Variants in ROBO2 observed in about 807,000 individuals in gnomAD.
ROBO2 encodes the protein roundabout homolog 2.
In ROBO2, 53 loss-of-function variants were observed where a neutral mutation model predicts 160.8. That is an observed-to-expected ratio of 0.33 (90% CI 0.26 to 0.41). The LOEUF (loss-of-function observed/expected upper bound fraction) is 0.41, where lower values mean the gene tolerates loss of function less well. Among genes scored for constraint, ROBO2 ranks in the 10% least tolerant of loss-of-function variants. The probability of loss-of-function intolerance (pLI) is 1.00; values close to 1 mark genes in which losing one functional copy is unlikely to be tolerated. For missense variants in ROBO2, 1,577 were observed against 1,722.4 expected, an observed-to-expected ratio of 0.92 and a Z score of 1.49; for synonymous variants, 664 against 611.7, an observed-to-expected ratio of 1.09 and a Z score of -1.26.
At chr3:76,452,671 A>G (rs2077536155) in intron 2 of ROBO2, among the ~76,000 whole-genome samples, 1 of 152,144 alleles carries the variant, frequency 6.6e-6, no homozygotes, top group Non-Finnish European at 1.5e-5. Flanking sequence ...ATGATTTATA[A>G]TCCTTTGGGT....
At chr3:77,331,734 C>T (rs1162427025) in intron 2 of ROBO2, among the ~76,000 whole-genome samples, 1 of 151,950 alleles carries the variant, frequency 6.6e-6, no homozygotes, top group Non-Finnish European at 1.5e-5. Context: ...GATGGAGTCT[C>T]CCTCTGTCAC....
At chr3:75,970,538 G>A (rs967771808) in intron 2 of ROBO2, among the ~76,000 whole-genome samples, 3 of 151,512 alleles carry the variant, frequency 2.0e-5, no homozygotes, top group Non-Finnish European at 4.4e-5. Flanking sequence ...TGAATCATCT[G>A]TGGGGGAAGG....
At chr3:77,461,841 C>T (rs1463442636) in intron 2 of ROBO2, among the ~76,000 whole-genome samples, 1 of 151,906 alleles carries the variant, frequency 6.6e-6, no homozygotes, top group Non-Finnish European at 1.5e-5. Context: ...CATTCTCCTG[C>T]CGCAGCCTCC....
intron 2 of ROBO2, among the ~76,000 whole-genome samples, chr3:77,243,903 TACA>T (rs1486539759): frequency 1.3e-5 from 2 of 152,226 alleles, no homozygotes; most frequent in African/African-American, 2.4e-5. Flanking sequence ...ACCTGAACCC[TACA>T]CTCCAGCTCA....
Position 76,045,421 on chromosome 3 carries a change from T to A in ROBO2, c.109+107819T>A, listed in dbSNP as rs191494821. The stretch of plus-strand genomic sequence containing the variant: ...GAGCCAGGCAGATTGAGAGCAAAAA[T>A]GAGTGAGGCCAGACCAGATCTGAAA... On this transcript the variant is annotated intron_variant, in intron 2 of 26. Coordinates refer to the ROBO2 transcript ENST00000487694. Among the ~76,000 whole-genome samples, 1,129 of 152,014 alleles carry A rather than the reference T, an allele frequency of 7.4e-3. 9 individuals are homozygous for A. The highest frequency in any genetic ancestry group is 0.013 in the Non-Finnish European group (869 of 67,992).
intron 2 of ROBO2, among the ~76,000 whole-genome samples, chr3:77,406,795 A>G (rs2076287086): frequency 6.6e-6 from 1 of 152,028 alleles, no homozygotes; most frequent in African/African-American, 2.4e-5. Context: ...ACAATTTCTA[A>G]CTATTTTTGC....
At chr3:76,270,806 G>T (rs535026666) in intron 2 of ROBO2, among the ~76,000 whole-genome samples, 25 of 152,184 alleles carry the variant, frequency 1.6e-4, no homozygotes, top group African/African-American at 5.8e-4. Flanking sequence ...AATACTAAAT[G>T]TAGAGTATAG....
At chr3:76,802,468 C>A (rs1255855911) in intron 2 of ROBO2, among the ~76,000 whole-genome samples, 5 of 152,024 alleles carry the variant, frequency 3.3e-5, no homozygotes, top group African/African-American at 1.2e-4. Context: ...GTGGCTCACG[C>A]CTGTGATCCC....
At chr3:76,443,560 A>G (rs979681328) in intron 2 of ROBO2, among the ~76,000 whole-genome samples, 1 of 152,142 alleles carries the variant, frequency 6.6e-6, no homozygotes, top group African/African-American at 2.4e-5. Context: ...GGTCAGCATA[A>G]TTTATATCCC....
chr3:77,430,008 C>T (rs1406689854), intron 2 of ROBO2, among the ~76,000 whole-genome samples: 2 of 152,032 alleles, frequency 1.3e-5, no homozygotes, highest in Admixed American at 1.3e-4. Context: ...GGACAGTGAT[C>T]GATATGTTTC....
At chr3:76,196,738 G>A (rs1015786431) in intron 2 of ROBO2, among the ~76,000 whole-genome samples, 2 of 152,102 alleles carry the variant, frequency 1.3e-5, no homozygotes, top group African/African-American at 2.4e-5. Flanking sequence ...TGAGATGTAA[G>A]GATGTTATTG....
chr3:76,063,343 C>CTTTTT (rs35062174), intron 2 of ROBO2, among the ~76,000 whole-genome samples: 1 of 134,784 alleles, frequency 7.4e-6, no homozygotes, highest in East Asian at 2.1e-4. Flanking sequence ...GCCCTCCTCC[C>CTTTTT]TTTTTTTTTT....
intron 2 of ROBO2, among the ~76,000 whole-genome samples, chr3:76,509,738 A>C (rs951267842): frequency 6.6e-6 from 1 of 152,200 alleles, no homozygotes; most frequent in South Asian, 2.1e-4. Flanking sequence ...TCTGCCATGA[A>C]TACTTTTCTT....
intron 2 of ROBO2, among the ~76,000 whole-genome samples, chr3:75,957,228 A>T (rs1948750695): frequency 9.8e-6 from 1 of 102,302 alleles, no homozygotes; most frequent in Non-Finnish European, 2.1e-5. Context: ...CACACAAAAC[A>T]CACACGCACA....
intron 2 of ROBO2, among the ~76,000 whole-genome samples, chr3:75,953,522 T>C (rs1379001697): frequency 6.6e-6 from 1 of 151,994 alleles, no homozygotes; most frequent in Non-Finnish European, 1.5e-5. Flanking sequence ...CCTGTGGCTT[T>C]TCTTTTCATT....
chr3:76,474,648 G>T (rs2078835236), intron 2 of ROBO2, among the ~76,000 whole-genome samples: 1 of 152,076 alleles, frequency 6.6e-6, no homozygotes, highest in Non-Finnish European at 1.5e-5. Flanking sequence ...GTGTCAACTG[G>T]ACATTGTCAC....
intron 2 of ROBO2, among the ~76,000 whole-genome samples, chr3:77,318,887 T>C (rs2064354337): frequency 6.6e-6 from 1 of 152,194 alleles, no homozygotes; most frequent in Non-Finnish European, 1.5e-5. Context: ...ATGAAGTTAT[T>C]GTACTTCAGG....
At chr3:76,654,452 T>G (rs1252789292) in intron 2 of ROBO2, among the ~76,000 whole-genome samples, 4 of 152,142 alleles carry the variant, frequency 2.6e-5, no homozygotes, top group Admixed American at 2.6e-4. Flanking sequence ...ACAGAACATG[T>G]TTTAATCAGT....
intron 2 of ROBO2, among the ~76,000 whole-genome samples, chr3:77,190,727 G>T (rs1014488564): frequency 1.3e-5 from 2 of 151,962 alleles, no homozygotes; most frequent in Non-Finnish European, 2.9e-5. Flanking sequence ...GCTAGATTTT[G>T]AAGAGTTTTA....
Sources: allele counts gnomAD v4.1 joint callset (sites outside exome capture counted in the v4.1 genomes callset), GRCh38; gene constraint gnomAD v4.1.1; transcripts MANE v1.5; gene names NCBI Gene and HGNC (gene_info 2026-07-23, HGNC 2026-07-21).